Variants in PTPRN2 observed in about 807,000 individuals in gnomAD.
The protein encoded by PTPRN2 is receptor-type tyrosine-protein phosphatase N2.
Under a neutral mutation model 118.8 loss-of-function variants are expected in PTPRN2, and 74 were observed. That is an observed-to-expected ratio of 0.62 (90% CI 0.52 to 0.76). The LOEUF (loss-of-function observed/expected upper bound fraction) is 0.76. Among genes scored for constraint, PTPRN2 ranks in the 30% least tolerant of loss-of-function variants. The pLI, the probability that PTPRN2 is intolerant of heterozygous loss-of-function variation, is 0.00. For synonymous variants in PTPRN2, 641 were observed against 608.0 expected (o/e 1.05, Z -0.80); for missense variants, 1,481 against 1,394.4 (o/e 1.06, Z -0.99).
chr7:157,752,917 C>T (rs1482790984), intron 12 of PTPRN2, among the ~76,000 whole-genome samples: 1 of 151,540 alleles, frequency 6.6e-6, no homozygotes, highest in Non-Finnish European at 1.5e-5. Flanking sequence ...TTATGACAAA[C>T]ATCTGGCAGC....
At chr7:157,758,177 G>A (rs1371754454) in intron 12 of PTPRN2, among the ~76,000 whole-genome samples, 1 of 152,250 alleles carries the variant, frequency 6.6e-6, no homozygotes, top group African/African-American at 2.4e-5. Context: ...CGGTTGCGGG[G>A]AAGAAAAGGG....
chr7:157,609,667 C>T lies in PTPRN2; in HGVS notation c.2345-5592G>A, dbSNP rs551432500. 4.6e-5 allele frequency among the ~76,000 whole-genome samples: 7 copies of T among 152,212 alleles called. No homozygotes were observed. The highest frequency in any genetic ancestry group is 1.2e-4 in the African/African-American group (5 of 41,524). On this transcript the variant is annotated intron_variant, in intron 15 of 22. Transcript: ENST00000389418. This position sits in a 1 kb window ranked among gnomAD's most constrained non-coding sequence, Gnocchi z 4.9. ...GATCCTGGGTAAACTGTTCAGTGTT[C>T]GGAGAATGCAGGATGATAACATACA...
chr7:157,961,540 A>G (rs531197943), intron 11 of PTPRN2, among the ~76,000 whole-genome samples: 22 of 152,252 alleles, frequency 1.4e-4, no homozygotes, highest in Admixed American at 9.2e-4. Context: ...CTCAAAAAAA[A>G]AAAAAATTAT....
chr7:157,764,470 G>A lies in PTPRN2; in HGVS notation c.1789-81533C>T, dbSNP rs1412187274. Among the ~76,000 whole-genome samples the A allele has an allele frequency of 6.6e-6, 1 of 152,154 alleles. No individual in the cohort carries two copies. Among genetic ancestry groups the A allele is most frequent in the African/African-American group, 2.4e-5 (1 of 41,436 alleles). ...GAAGATGTTATGCTAAGTGAAATAA[G>A]CCAGTCACAATATGATAAACACTGT... On this transcript the variant is annotated intron_variant, in intron 12 of 22. Coordinates refer to ENST00000389418, the MANE Select transcript of PTPRN2 (RefSeq NM_002847.5). The surrounding 1 kb of genome is among the most constrained non-coding windows in gnomAD (Gnocchi z 4.5).
In PTPRN2 at chr7:158,553,182, C is replaced by T. The variant is rs552486730; in HGVS notation, c.112+34376G>A. On this transcript the variant is annotated intron_variant, in intron 1 of 22. Coordinates refer to ENST00000389418, the MANE Select transcript of PTPRN2 (RefSeq NM_002847.5). ...CCCTTCCTGTCTACACACATACAGG[C>T]TTGGGAGTCTACACTACCTTCCCCT... Among the ~76,000 whole-genome samples, 567 of 149,056 alleles carry T rather than the reference C, an allele frequency of 3.8e-3. 3 individuals carry two copies. The highest frequency in any genetic ancestry group is 0.014 in the African/African-American group (546 of 40,280).
At position 157,674,122 on chromosome 7, in the gene PTPRN2, G is replaced by A. The variant is rs1170967482; in HGVS notation, c.2001+8603C>T. ...GGGCCAACACCAATCACAGCTCTGG[G>A]GACCCCCACGTGTCAGCCATGGCAA... On this transcript the variant is annotated intron_variant, in intron 13 of 22. Transcript: ENST00000389418. This position sits in a 1 kb window ranked among gnomAD's most constrained non-coding sequence, Gnocchi z 4.5. Among the ~76,000 whole-genome samples, 1 of 152,120 alleles carries A rather than the reference G, an allele frequency of 6.6e-6. No individual in the cohort carries two copies. Among genetic ancestry groups the A allele is most frequent in the African/African-American group, 2.4e-5 (1 of 41,420 alleles).
intron 2 of PTPRN2, among the ~76,000 whole-genome samples, chr7:158,336,306 C>A (rs1805511092): frequency 1.4e-5 from 2 of 141,470 alleles, no homozygotes; most frequent in African/African-American, 5.3e-5. Context: ...TCACTCACAC[C>A]CACACTCTCA....
At chr7:158,577,363 G>A (rs1320562745) in intron 1 of PTPRN2, among the ~76,000 whole-genome samples, 3 of 138,772 alleles carry the variant, frequency 2.2e-5, no homozygotes, top group East Asian at 2.2e-4. Context: ...GCCACAGACA[G>A]CATGGGGCCT....
At chr7:158,170,762 G>A (rs1823470159) in intron 5 of PTPRN2, among the ~76,000 whole-genome samples, 1 of 152,124 alleles carries the variant, frequency 6.6e-6, no homozygotes, top group Non-Finnish European at 1.5e-5. Flanking sequence ...CTCTTTCACG[G>A]TTTGAGGTCC....
intron 13 of PTPRN2, among the ~76,000 whole-genome samples, chr7:157,672,789 T>C (rs760707001): frequency 6.6e-6 from 1 of 152,262 alleles, no homozygotes; most frequent in East Asian, 1.9e-4. Flanking sequence ...TAAACCTGTA[T>C]ATCAAATCCA....
At chr7:158,110,987 C>T (rs1356528054) in intron 9 of PTPRN2, 72 bp from the exon 10 acceptor site, 1 of 1,300,164 alleles carries the variant, frequency 7.7e-7, no homozygotes, top group Non-Finnish European at 1.1e-6. Context: ...AGCCCTGTGG[C>T]CCCACAGCCC....
intron 11 of PTPRN2, among the ~76,000 whole-genome samples, chr7:157,973,766 A>G (rs1377146942): frequency 1.3e-5 from 2 of 152,254 alleles, no homozygotes; most frequent in African/African-American, 4.8e-5. Context: ...ATTTAAAAAG[A>G]TGAAAGCATA....
At chr7:158,171,949 G>C (rs1028797347) in intron 5 of PTPRN2, among the ~76,000 whole-genome samples, 1 of 152,210 alleles carries the variant, frequency 6.6e-6, no homozygotes, top group African/African-American at 2.4e-5. Context: ...TGTGCATGAA[G>C]TCTTCAAACT....
chr7:157,819,135 C>T (rs1049885952), intron 12 of PTPRN2, among the ~76,000 whole-genome samples: 4 of 152,176 alleles, frequency 2.6e-5, no homozygotes, highest in African/African-American at 9.6e-5. Context: ...TCCACAGTGG[C>T]CCACCTGCAC....
intron 11 of PTPRN2, among the ~76,000 whole-genome samples, chr7:158,032,333 C>A (rs190157110): frequency 6.6e-6 from 1 of 152,150 alleles, no homozygotes; most frequent in East Asian, 1.9e-4. Flanking sequence ...GACAGCACAG[C>A]CCCTGGCCCT....
intron 2 of PTPRN2, among the ~76,000 whole-genome samples, chr7:158,394,062 G>GC (rs1222190845): frequency 3.4e-5 from 5 of 148,552 alleles, no homozygotes; most frequent in African/African-American, 1.2e-4. Context: ...CAGATGCGTG[G>GC]CCCCCCTCTG....
chr7:158,323,985 G>A (rs1180309112), intron 2 of PTPRN2, among the ~76,000 whole-genome samples: 4 of 151,834 alleles, frequency 2.6e-5, no homozygotes, highest in African/African-American at 7.3e-5. Context: ...ACACAAGTGT[G>A]CACACACTCA....
intron 2 of PTPRN2, among the ~76,000 whole-genome samples, chr7:158,391,039 G>A (rs903389713): frequency 3.3e-5 from 5 of 152,202 alleles, no homozygotes; most frequent in African/African-American, 1.2e-4. Context: ...TTCGAGGGGT[G>A]GAAATCATCC....
chr7:157,882,484 G>T (rs1344204946), intron 12 of PTPRN2, among the ~76,000 whole-genome samples: 1 of 146,110 alleles, frequency 6.8e-6, no homozygotes, highest in African/African-American at 2.6e-5. Flanking sequence ...CAAAATGACT[G>T]TCGGAGATCA....
Sources: gnomAD v4.1 joint callset for allele counts (sites outside exome capture counted in the v4.1 genomes callset) on GRCh38, gnomAD v4.1.1 for gene constraint, Gnocchi (gnomAD v3.1) non-coding constraint, MANE v1.5 for transcripts, NCBI Gene and HGNC (gene_info 2026-07-23, HGNC 2026-07-21) for gene names.